RTBDN: variants seen among roughly 807,000 people sequenced by gnomAD.
The protein encoded by RTBDN is retbindin.
RTBDN carries 24 observed loss-of-function variants against 21.9 expected under a neutral mutation model. That is an observed-to-expected ratio of 1.10 (90% CI 0.79 to 1.54). The LOEUF is 1.54. Among genes scored for constraint, RTBDN ranks in the 40% most tolerant of loss-of-function variants. The probability of loss-of-function intolerance (pLI) is 0.00; values close to 1 mark genes in which losing one functional copy is unlikely to be tolerated. For missense variants in RTBDN, 325 were observed against 315.2 expected, an observed-to-expected ratio of 1.03 and a Z score of -0.23; for synonymous variants, 141 against 125.9, an observed-to-expected ratio of 1.12 and a Z score of -0.80.
At chr19:12,829,294 C>T (rs1969458678) in intron 2 of RTBDN, among the ~76,000 whole-genome samples, 1 of 151,958 alleles carries the variant, frequency 6.6e-6, no homozygotes, top group South Asian at 2.1e-4. Context: ...CTCCACCTCC[C>T]AGGTTCAAAC....
At chr19:12,834,694 A>G, upstream of RTBDN, 1 of 1,546,034 alleles carries the variant, frequency 6.5e-7, no homozygotes, top group Non-Finnish European at 8.9e-7. This position sits in a 1 kb window ranked among gnomAD's most constrained non-coding sequence, Gnocchi z 4.7. Context: ...CAGGCGCAGG[A>G]GCCGTGCGTC....
At chr19:12,826,261 C>G in intron 5 of RTBDN, 1 of 1,258,254 alleles carries the variant, frequency 7.9e-7, no homozygotes, top group South Asian at 1.7e-5. Flanking sequence ...GGAATGGTTT[C>G]TTGGGAAGGG....
At chr19:12,832,177 C>T (rs1969598346) in intron 1 of RTBDN, among the ~76,000 whole-genome samples, 1 of 152,134 alleles carries the variant, frequency 6.6e-6, no homozygotes, top group African/African-American at 2.4e-5. Context: ...GTTTGTGTGT[C>T]TGTGTTTACT....
At chr19:12,825,981 T>TG (rs1305608932) in intron 5 of RTBDN, 48 bp from the exon 6 acceptor site, 8 of 1,497,704 alleles carry the variant, frequency 5.3e-6, no homozygotes, top group South Asian at 1.3e-5. Flanking sequence ...TCCAGAGACG[T>TG]GGGGGGCGTG....
At chr19:12,828,311 G>T (rs1969402837) in intron 4 of RTBDN, among the ~76,000 whole-genome samples, 1 of 150,792 alleles carries the variant, frequency 6.6e-6, no homozygotes, top group Non-Finnish European at 1.5e-5. Flanking sequence ...CAGGAGAATC[G>T]CTTGAACCCG....
Position 12,830,710 on chromosome 19 carries a change from A to G in RTBDN, c.-18-713T>C, listed in dbSNP as rs1274327459. ...GGGCGTGGCTTAATGCAGGGGCGGGACCTCCCACCGTCCTGCCCACACTCC... is the reference window on the plus strand; with the variant it reads ...GGGCGTGGCTTAATGCAGGGGCGGGGCCTCCCACCGTCCTGCCCACACTCC... On this transcript the variant is annotated intron_variant, in intron 1 of 5. Transcript: ENST00000674343. The surrounding 1 kb of genome is among the most constrained non-coding windows in gnomAD (Gnocchi z 4.2). 1.0e-6 allele frequency: 1 copy of G among 982,630 alleles called. No individual in the cohort carries two copies. The highest frequency in any genetic ancestry group is 1.1e-4 in the East Asian group (1 of 8,772). 60.9% of individuals were successfully genotyped at this position (982,630 alleles called of 1,614,324 possible).
intron 4 of RTBDN, 61 bp downstream of exon 4, chr19:12,828,596 A>C (rs769330553): frequency 2.5e-4 from 334 of 1,321,944 alleles, no homozygotes; most frequent in Admixed American, 5.6e-4. Context: ...AGCAAACTGC[A>C]GGCTCCGCCC....
chr19:12,827,258 A>G (rs902968708), intron 4 of RTBDN, among the ~76,000 whole-genome samples: 1 of 151,804 alleles, frequency 6.6e-6, no homozygotes, highest in East Asian at 1.9e-4. Context: ...AGCTGGAGCA[A>G]TCCTTCCACC....
intron 1 of RTBDN, among the ~76,000 whole-genome samples, chr19:12,833,280 G>A (rs746191863): frequency 2.6e-5 from 4 of 152,160 alleles, no homozygotes; most frequent in Non-Finnish European, 4.4e-5. Flanking sequence ...TGGGGCTGTA[G>A]AGGTCTCGTG....
At chr19:12,826,341 TG>T in intron 5 of RTBDN, 1 of 1,225,434 alleles carries the variant, frequency 8.2e-7, no homozygotes, top group Non-Finnish European at 1.0e-6. Context: ...TAGGGAAGGG[TG>T]GGAGCAGGGA....
At position 12,825,795 on chromosome 19, in the gene RTBDN, C is replaced by G; in HGVS notation, c.601G>C (p.Ala201Pro). 1 of 1,611,252 alleles carries G rather than the reference C, an allele frequency of 6.2e-7. No individual in the cohort carries two copies. Among genetic ancestry groups the G allele is most frequent in the Non-Finnish European group, 8.5e-7 (1 of 1,178,288 alleles). Residue 201 changes from alanine to proline, a missense_variant, in exon 6 of 6, where the codon GCT (alanine) becomes CCT (proline). Ala to Pro is a conservative substitution (Grantham distance 27). Coordinates refer to ENST00000674343, the MANE Select transcript of RTBDN (RefSeq NM_001270441.2). ...GGGCTGCGGGAACGCCGGGAGGGAG[C>G]TTCCCGGCCCCGTCGTCCTGGTCTG... is the stretch of plus-strand genomic sequence containing the variant. ...RPRPGRRGRE[A>P]PSRRSRSPRT...
chr19:12,833,308 A>G (rs1969643264), intron 1 of RTBDN, among the ~76,000 whole-genome samples: 2 of 151,922 alleles, frequency 1.3e-5, no homozygotes, highest in Non-Finnish European at 2.9e-5. Context: ...ACAGTTTCCC[A>G]CAGAGGATAT....
At position 12,825,738 on chromosome 19, in the gene RTBDN, C is replaced by T. The variant is rs770518446; in HGVS notation, c.658G>A (p.Gly220Arg). The change falls in exon 6 of 6, where the codon GGG becomes AGG. Residue 220 changes from glycine (G) to arginine (R), a missense_variant. Gly to Arg is a moderately radical substitution (Grantham distance 125). Transcript: ENST00000674343. ...RTSILDAAGS[G>R]SGSGSGSGP is the part of the protein sequence containing the mutation. ...CCGCTGCCGCTTCCACTGCCACTCC[C>T]GCTGCCCGCAGCGTCCAGGATGGAG... is the stretch of plus-strand genomic sequence containing the variant. The T allele has an allele frequency of 6.3e-6, 10 of 1,595,500 alleles. No homozygotes were observed. Among genetic ancestry groups the T allele is most frequent in the South Asian group, 2.3e-5 (2 of 88,720 alleles).
upstream of RTBDN, chr19:12,835,175 G>T: frequency 6.9e-7 from 1 of 1,453,922 alleles, no homozygotes. Context: ...CAGGAAAAAT[G>T]GTGATCAGAC....
At position 12,829,983 on chromosome 19, in the gene RTBDN, C is replaced by T; in HGVS notation, c.-4G>A. ...GCATGTGGACCCTGCAGTCCATGTC[C>T]ACCTGAGATAAGAGCTGGCAGGCAT... On this transcript the variant is annotated 5_prime_UTR_variant, in exon 2 of 6. Transcript: ENST00000674343. 3.7e-6 allele frequency: 6 copies of T among 1,605,438 alleles called. No homozygotes were observed. The highest frequency in any genetic ancestry group is 5.1e-6 in the Non-Finnish European group (6 of 1,172,914).
In RTBDN at chr19:12,828,717, C is replaced by T. The variant is rs1047691161; in HGVS notation, c.305G>A (p.Arg102His). The T allele has an allele frequency of 4.3e-6, 7 of 1,614,236 alleles. No individual in the cohort carries two copies. Among genetic ancestry groups the T allele is most frequent in the Non-Finnish European group, 5.9e-6 (7 of 1,180,040 alleles). ...CTGGCGTACCCCCAATAGCCGCAGGCGGAAGCGACTGCGAAGGGCACGTTG... is the reference window on the plus strand; with the variant it reads ...CTGGCGTACCCCCAATAGCCGCAGGTGGAAGCGACTGCGAAGGGCACGTTG... ...HLQRALRSRF[R>H]LRLLGVRQAQ... Residue 102 changes from arginine (R) to histidine (H), a missense_variant, in exon 4 of 6, where the codon CGC (arginine) becomes CAC (histidine). By Grantham distance (29) the Arg-to-His change is conservative. Transcript: ENST00000674343.
chr19:12,833,968 A>C, intron 1 of RTBDN: 2 of 368,178 alleles, frequency 5.4e-6, no homozygotes, highest in Non-Finnish European at 4.8e-6. Context: ...CGCTGCCGCC[A>C]TGGACGATTC....
At position 12,830,788 on chromosome 19, in the gene RTBDN, T is replaced by A; in HGVS notation, c.-18-791A>T. ...GCTGGTGTGTATATATCCTTGTGTT[T>A]GTTTTTATGTTCAGCTTGTGGCTTA... is the stretch of plus-strand genomic sequence containing the variant. On this transcript the variant is annotated intron_variant, in intron 1 of 5. Transcript: ENST00000674343. This position sits in a 1 kb window ranked among gnomAD's most constrained non-coding sequence, Gnocchi z 4.2. 2.4e-6 allele frequency: 1 copy of A among 420,754 alleles called. No individual in the cohort carries two copies. The highest frequency in any genetic ancestry group is 3.2e-6 in the Non-Finnish European group (1 of 313,782). The allele number at this position is 420,754 out of a possible 1,614,324, so 26.1% of individuals were successfully genotyped here.
intron 4 of RTBDN, among the ~76,000 whole-genome samples, chr19:12,828,188 G>T (rs2145850789): frequency 6.6e-6 from 1 of 151,842 alleles, no homozygotes; most frequent in East Asian, 1.9e-4. Context: ...ACGAGGTCAG[G>T]AGTCTGAGAC....
Sources: gnomAD v4.1 joint callset for allele counts (sites outside exome capture counted in the v4.1 genomes callset) on GRCh38, gnomAD v4.1.1 for gene constraint, Gnocchi (gnomAD v3.1) non-coding constraint, MANE v1.5 for transcripts, NCBI Gene and HGNC (gene_info 2026-07-23, HGNC 2026-07-21) for gene names.